The following DIS3L2 variants were observed in gnomAD, a reference collection of about 807,000 sequenced individuals.
The protein encoded by DIS3L2 is DIS3 like 3'-5' exoribonuclease 2, also known as DIS3-like exonuclease 2.
A neutral mutation model predicts 97.5 loss-of-function variants in DIS3L2; 34 were observed. The observed-to-expected ratio is 0.35, with a 90% CI of 0.27 to 0.46. DIS3L2 has a LOEUF of 0.46. Ranked by LOEUF, DIS3L2 falls within the 20% of genes least tolerant of loss-of-function variation. The pLI, the probability that DIS3L2 is intolerant of heterozygous loss-of-function variation, is 1.00. For missense variants in DIS3L2, 1,038 were observed against 1,146.0 expected (o/e 0.91, Z 1.36); for synonymous variants, 435 against 445.2 (o/e 0.98, Z 0.29).
intron 8 of DIS3L2, among the ~76,000 whole-genome samples, chr2:232,154,022 C>T (rs1461547194): frequency 4.4e-5 from 6 of 135,994 alleles, no homozygotes; most frequent in Non-Finnish European, 6.3e-5. Context: ...GCTTTCTTCA[C>T]GTAGTTCTCG....
rs149910723 is a variant in DIS3L2, at chr2:232,117,702, G to A, written c.602-12917G>A. ...CTCAGGGCCAGCCTAACCAGGCTCCGTATTGTTCCTGAGCACTCCCTTTCC... is the reference window on the plus strand; with the variant it reads ...CTCAGGGCCAGCCTAACCAGGCTCCATATTGTTCCTGAGCACTCCCTTTCC... On this transcript the variant is annotated intron_variant, in intron 6 of 20. Coordinates refer to ENST00000325385, the MANE Select transcript of DIS3L2 (RefSeq NM_152383.5). Among the ~76,000 whole-genome samples, 3 of 152,262 alleles carry A rather than the reference G, an allele frequency of 2.0e-5. No individual in the cohort carries two copies. In the East Asian group the frequency reaches 5.8e-4, roughly 29 times the overall value.
intron 3 of DIS3L2, among the ~76,000 whole-genome samples, chr2:232,017,389 A>G (rs2106224160): frequency 6.6e-6 from 1 of 152,254 alleles, no homozygotes. Flanking sequence ...ATGAGCCACC[A>G]CACCCAGCCC....
chr2:232,208,385 G>T (rs115723388), intron 9 of DIS3L2, among the ~76,000 whole-genome samples: 2 of 151,672 alleles, frequency 1.3e-5, no homozygotes, highest in Non-Finnish European at 2.9e-5. Context: ...ATCTTGGCTC[G>T]CTGCAACCGC....
intron 9 of DIS3L2, among the ~76,000 whole-genome samples, chr2:232,190,777 G>A (rs2106195688): frequency 6.6e-6 from 1 of 152,128 alleles, no homozygotes; most frequent in East Asian, 1.9e-4. Flanking sequence ...AATCTGATGA[G>A]GGAAGAGGAC....
chr2:232,247,387 C>A (rs938505750), intron 11 of DIS3L2, among the ~76,000 whole-genome samples: 1 of 152,126 alleles, frequency 6.6e-6, no homozygotes, highest in Non-Finnish European at 1.5e-5. Context: ...AATTCGGTTC[C>A]TGGTGATGGT....
intron 9 of DIS3L2, among the ~76,000 whole-genome samples, chr2:232,199,767 G>A (rs1156658771): frequency 6.6e-6 from 1 of 152,152 alleles, no homozygotes; most frequent in Non-Finnish European, 1.5e-5. Context: ...ATTATTTATA[G>A]GGGAGAGGTA....
rs956030057 is a variant in DIS3L2 at position 232,042,706 on chromosome 2, A to G, written c.366+12626A>G. ...TGTAATTCAAGTTGAAATGTCTGAA[A>G]TAAGGAGTGTATTGTTTAAGGATAG... On this transcript the variant is annotated intron_variant, in intron 5 of 20. Transcript: ENST00000325385. 2.0e-5 allele frequency among the ~76,000 whole-genome samples: 3 copies of G among 152,372 alleles called. No homozygotes were observed. In the South Asian group the frequency reaches 6.2e-4, roughly 32 times the overall value.
intron 1 of DIS3L2, among the ~76,000 whole-genome samples, chr2:231,990,782 A>C (rs1693562327): frequency 6.6e-6 from 1 of 152,180 alleles, no homozygotes; most frequent in Non-Finnish European, 1.5e-5. Flanking sequence ...ATGATACTGT[A>C]GATCCACTCA....
At chr2:232,047,550 A>G (rs1695276073) in intron 5 of DIS3L2, among the ~76,000 whole-genome samples, 1 of 152,350 alleles carries the variant, frequency 6.6e-6, no homozygotes, top group Middle Eastern at 3.4e-3. Flanking sequence ...TTAAAATTTT[A>G]AAAAATTGAG....
chr2:232,241,820 A>G (rs2853365), intron 11 of DIS3L2, among the ~76,000 whole-genome samples: 1 of 152,256 alleles, frequency 6.6e-6, no homozygotes, highest in Admixed American at 6.5e-5. Context: ...GAAAATAAGC[A>G]AATTAAGCTT....
intron 1 of DIS3L2, among the ~76,000 whole-genome samples, chr2:231,993,296 C>T (rs1044080801): frequency 2.0e-5 from 3 of 152,112 alleles, no homozygotes; most frequent in African/African-American, 7.2e-5. Flanking sequence ...TTACTGCAAC[C>T]CCTGCCTCCC....
At chr2:232,071,696 T>A (rs564375427) in intron 5 of DIS3L2, among the ~76,000 whole-genome samples, 1 of 152,256 alleles carries the variant, frequency 6.6e-6, no homozygotes, top group Non-Finnish European at 1.5e-5. Flanking sequence ...AGCCAAAGAA[T>A]AGAGAAGTAG....
chr2:232,238,804 A>G (rs1293296512), intron 11 of DIS3L2, among the ~76,000 whole-genome samples, 159 bp downstream of exon 11: 2 of 152,210 alleles, frequency 1.3e-5, no homozygotes. Context: ...GCCCTGCTAT[A>G]TAAGTAACTG....
chr2:232,141,937 T>C (rs1381318908), intron 8 of DIS3L2, among the ~76,000 whole-genome samples: 2 of 152,174 alleles, frequency 1.3e-5, no homozygotes. Context: ...AATTAAACCA[T>C]GACTAGATTG....
chr2:232,146,222 G>A (rs1047842082), intron 8 of DIS3L2, among the ~76,000 whole-genome samples: 2 of 152,152 alleles, frequency 1.3e-5, no homozygotes, highest in African/African-American at 4.8e-5. Context: ...ATGTCAGTGT[G>A]TAGTGAATAC....
intron 9 of DIS3L2, among the ~76,000 whole-genome samples, chr2:232,166,985 C>T (rs1690842608): frequency 6.6e-6 from 1 of 151,734 alleles, no homozygotes; most frequent in Admixed American, 6.6e-5. Flanking sequence ...CATGCCACTG[C>T]CTGGACGATA....
chr2:231,975,704 C>CA (rs34710079), intron 1 of DIS3L2, among the ~76,000 whole-genome samples: 28,437 of 55,206 alleles, frequency 0.52, 7,425 homozygotes, highest in East Asian at 0.79. Flanking sequence ...GACTCCGCCT[C>CA]AAAAAAAAAA....
rs562756745 is a variant in DIS3L2, at chr2:232,292,805, G to T, written c.1660-7235G>T. On this transcript the variant is annotated intron_variant, in intron 13 of 20. Coordinates refer to ENST00000325385, the MANE Select transcript of DIS3L2 (RefSeq NM_152383.5). This position sits in a 1 kb window ranked among gnomAD's most constrained non-coding sequence, Gnocchi z 4.4. ...TAACTGAACCCTTTTGAAGGCTTCC[G>T]CCCTCTGCTGGTGGAAGCTGACAGA... 6.6e-6 allele frequency among the ~76,000 whole-genome samples: 1 copy of T among 152,174 alleles called. No homozygotes were observed. The highest frequency in any genetic ancestry group is 1.5e-5 in the Non-Finnish European group (1 of 68,036).
At chr2:232,252,325 C>G (rs1559175766) in intron 12 of DIS3L2, among the ~76,000 whole-genome samples, 3 of 152,164 alleles carry the variant, frequency 2.0e-5, no homozygotes, top group Non-Finnish European at 4.4e-5. Flanking sequence ...AGGAGAATCA[C>G]TTGAACCCGG....
Sources: allele counts gnomAD v4.1 joint callset (sites outside exome capture counted in the v4.1 genomes callset), GRCh38; gene constraint gnomAD v4.1.1; non-coding constraint Gnocchi (gnomAD v3.1); transcripts MANE v1.5; gene names NCBI Gene and HGNC (gene_info 2026-07-23, HGNC 2026-07-21).